WASL: variants seen among roughly 807,000 people sequenced by gnomAD.
WASL encodes WASP like actin nucleation promoting factor, also known as actin nucleation-promoting factor WASL.
WASL carries 20 observed loss-of-function variants against 55.5 expected under a neutral mutation model. The ratio of observed to expected loss-of-function variants is 0.36; its 90% CI spans 0.25 to 0.52. WASL has a LOEUF of 0.52. WASL is among the 20% of genes least tolerant of loss of function. The pLI is 0.92. For synonymous variants in WASL, 249 were observed against 217.6 expected (o/e 1.14, Z -1.27); for missense variants, 504 against 622.5 (o/e 0.81, Z 2.03).
chr7:123,700,046 C>T (rs1459035244), intron 5 of WASL, among the ~76,000 whole-genome samples: 5 of 151,342 alleles, frequency 3.3e-5, no homozygotes, highest in Non-Finnish European at 5.9e-5. Flanking sequence ...CATGGTGGCG[C>T]GCGCCTGTAG....
At chr7:123,742,786 T>C (rs935253513) in intron 1 of WASL, among the ~76,000 whole-genome samples, 1 of 152,202 alleles carries the variant, frequency 6.6e-6, no homozygotes, top group African/African-American at 2.4e-5. Context: ...TAAATTACAA[T>C]GCTTAGAAAA....
At chr7:123,691,834 T>C (rs932993688) in intron 9 of WASL, among the ~76,000 whole-genome samples, 2 of 152,270 alleles carry the variant, frequency 1.3e-5, no homozygotes, top group African/African-American at 2.4e-5. Context: ...TGGAACATGA[T>C]TTAATTTTCA....
At chr7:123,701,994 G>A (rs1407552343) in intron 5 of WASL, among the ~76,000 whole-genome samples, 2 of 150,114 alleles carry the variant, frequency 1.3e-5, no homozygotes, top group Admixed American at 6.6e-5. Flanking sequence ...GAAACCACTG[G>A]GCCAAATGAT....
In WASL at chr7:123,683,546, G is replaced by T. The variant is rs1240413835; in HGVS notation, c.*973C>A. 6.6e-6 allele frequency: 1 copy of T among 151,806 alleles called. No homozygotes were observed. Among genetic ancestry groups the T allele is most frequent in the Admixed American group, 6.6e-5 (1 of 15,198 alleles). The allele number at this position is 151,806 out of a possible 1,614,324, so 9.4% of individuals were successfully genotyped here. ...TTTTAGCGCACACCTTTGCCAACTA[G>T]ATTACATTTTTATGGTTGGTATTTC... On this transcript the variant is annotated 3_prime_UTR_variant, in exon 11 of 11. Coordinates refer to ENST00000223023, the MANE Select transcript of WASL (RefSeq NM_003941.4).
At chr7:123,704,805 G>T (rs1803642492) in intron 4 of WASL, 148 bp from the exon 5 acceptor site, 3 of 474,132 alleles carry the variant, frequency 6.3e-6, no homozygotes, top group Non-Finnish European at 1.1e-5. Flanking sequence ...TTTAAGTAGA[G>T]ATCTAAATAA....
At chr7:123,725,397 T>C (rs1346833594) in intron 1 of WASL, among the ~76,000 whole-genome samples, 1 of 152,136 alleles carries the variant, frequency 6.6e-6, no homozygotes, top group African/African-American at 2.4e-5. Context: ...GGATATAATT[T>C]GAAAACTGTA....
intron 1 of WASL, among the ~76,000 whole-genome samples, chr7:123,740,869 AACC>A (rs1460648332): frequency 1.3e-5 from 2 of 152,186 alleles, no homozygotes; most frequent in East Asian, 3.9e-4. Context: ...TAAAGGTGTG[AACC>A]ACCACGTCCA....
At chr7:123,713,824 G>T (rs1803797389) in intron 1 of WASL, among the ~76,000 whole-genome samples, 1 of 152,168 alleles carries the variant, frequency 6.6e-6, no homozygotes, top group Non-Finnish European at 1.5e-5. Context: ...ATACAGTCAG[G>T]ACTCCATATC....
intron 1 of WASL, among the ~76,000 whole-genome samples, chr7:123,737,108 G>A (rs1020200695): frequency 6.6e-6 from 1 of 151,994 alleles, no homozygotes; most frequent in Admixed American, 6.6e-5. Flanking sequence ...ATTGTTTTGG[G>A]CCACACATAA....
intron 2 of WASL, among the ~76,000 whole-genome samples, chr7:123,707,782 C>G (rs1803695516): frequency 6.6e-6 from 1 of 152,102 alleles, no homozygotes; most frequent in South Asian, 2.1e-4. Context: ...GTGTTCCCCA[C>G]CCCCCAGAAT....
At chr7:123,739,742 A>C (rs1355677687) in intron 1 of WASL, among the ~76,000 whole-genome samples, 1 of 152,168 alleles carries the variant, frequency 6.6e-6, no homozygotes, top group African/African-American at 2.4e-5. Flanking sequence ...CATAAGTAGA[A>C]GAGCATCTGT....
At chr7:123,716,325 C>A (rs1803840889) in intron 1 of WASL, among the ~76,000 whole-genome samples, 2 of 152,114 alleles carry the variant, frequency 1.3e-5, no homozygotes, top group Non-Finnish European at 1.5e-5. Context: ...AAGCAATTCT[C>A]CCACCTCAGC....
At position 123,690,250 on chromosome 7, in the gene WASL, T is replaced by C. The variant is rs989825767; in HGVS notation, c.1348-1100A>G. Among the ~76,000 whole-genome samples, 5 of 152,316 alleles carry C rather than the reference T, an allele frequency of 3.3e-5. No individual in the cohort carries two copies. In the South Asian group the frequency reaches 1.0e-3, roughly 32 times the overall value. On this transcript the variant is annotated intron_variant, in intron 9 of 10. Transcript: ENST00000223023. Reference sequence around the variant, plus strand: ...GCATACTCTCATCAAACACATTTTTTGAAGTGCTTACTTGAACAAAGTACT... The same window carrying C: ...GCATACTCTCATCAAACACATTTTTCGAAGTGCTTACTTGAACAAAGTACT...
chr7:123,743,058 C>G (rs982418356), intron 1 of WASL, among the ~76,000 whole-genome samples: 13 of 152,092 alleles, frequency 8.5e-5, no homozygotes, highest in African/African-American at 3.1e-4. Context: ...GAGAAATGGC[C>G]AGGCACAGTG....
chr7:123,688,409 G>A (rs773761958), intron 10 of WASL, among the ~76,000 whole-genome samples: 29 of 151,750 alleles, frequency 1.9e-4, no homozygotes, highest in Non-Finnish European at 3.7e-4. Context: ...TGCCCATGTC[G>A]GAGTGCAATG....
At chr7:123,708,947 TA>T in intron 2 of WASL, 141 bp downstream of exon 2, 1 of 797,798 alleles carries the variant, frequency 1.3e-6, no homozygotes, top group Non-Finnish European at 1.8e-6. Context: ...ATGCAATATC[TA>T]AAAACCAAGC....
chr7:123,726,878 T>C (rs1023047032), intron 1 of WASL, among the ~76,000 whole-genome samples: 10 of 151,760 alleles, frequency 6.6e-5, no homozygotes, highest in African/African-American at 1.9e-4. Flanking sequence ...ATAATAATAA[T>C]AATAATAATT....
chr7:123,694,153 T>A, intron 8 of WASL, among the ~76,000 whole-genome samples: 1 of 152,050 alleles, frequency 6.6e-6, no homozygotes, highest in East Asian at 1.9e-4. Context: ...AATTGGAAAA[T>A]TTAGAGTATT....
rs541278131 is a variant in WASL at position 123,734,520 on chromosome 7, G to A, written c.117+14098C>T. ...GTGGTGCAACAGAAACAGGGAGCCA[G>A]TCTATAAAGGCTACATACTGTATGA... On this transcript the variant is annotated intron_variant, in intron 1 of 10. Coordinates refer to ENST00000223023, the MANE Select transcript of WASL (RefSeq NM_003941.4). 2.1e-5 allele frequency among the ~76,000 whole-genome samples: 3 copies of A among 145,908 alleles called. No homozygotes were observed. In the East Asian group the frequency reaches 6.4e-4, roughly 31 times the overall value.
Sources: gnomAD v4.1 joint callset for allele counts (sites outside exome capture counted in the v4.1 genomes callset) on GRCh38, gnomAD v4.1.1 for gene constraint, MANE v1.5 for transcripts, NCBI Gene and HGNC (gene_info 2026-07-23, HGNC 2026-07-21) for gene names.